LRP8: variants seen among roughly 807,000 people sequenced by gnomAD.
LRP8 encodes the protein low-density lipoprotein receptor-related protein 8.
Under a neutral mutation model 111.6 loss-of-function variants are expected in LRP8, and 46 were observed. That is an observed-to-expected ratio of 0.41 (90% CI 0.33 to 0.53). LRP8 has a LOEUF of 0.53. LRP8 is among the 20% of genes least tolerant of loss of function. LRP8 has a pLI of 0.20. For synonymous variants in LRP8, 464 were observed against 511.2 expected (o/e 0.91, Z 1.24); for missense variants, 959 against 1,297.4 (o/e 0.74, Z 4.01).
intron 2 of LRP8, among the ~76,000 whole-genome samples, chr1:53,322,335 G>A (rs1654619821): frequency 6.6e-6 from 1 of 152,220 alleles, no homozygotes; most frequent in African/African-American, 2.4e-5. Flanking sequence ...TCAGCCTGGA[G>A]GCAATGGGGT....
At position 53,266,487 on chromosome 1, in the gene LRP8, G is replaced by A. The variant is rs1323047742; in HGVS notation, c.1413C>T (p.Tyr471=). The A allele has an allele frequency of 1.2e-6, 2 of 1,614,190 alleles. No individual in the cohort carries two copies. The highest frequency in any genetic ancestry group is 1.7e-5 in the Admixed American group (1 of 60,024). The change falls in exon 9 of 19, where the codon TAC becomes TAT. Residue 471 remains tyrosine (Y), a synonymous_variant. Coordinates refer to ENST00000306052, the MANE Select transcript of LRP8 (RefSeq NM_004631.5). The surrounding 1 kb of genome is among the most constrained non-coding windows in gnomAD (Gnocchi z 5.0). ...TNRIYWCDLS[Y]RKIYSAYMDK... ...TGGCCGCTCACCTATAGATCTTACG[G>A]TAGGAGAGGTCACACCAGTAGATGC...
chr1:53,286,456 A>G (rs1557805067), intron 3 of LRP8, among the ~76,000 whole-genome samples: 1 of 152,242 alleles, frequency 6.6e-6, no homozygotes. Flanking sequence ...AATAGCATCC[A>G]GAACTATAAC....
At chr1:53,264,691 G>T (rs1646485488) in intron 9 of LRP8, among the ~76,000 whole-genome samples, 1 of 152,204 alleles carries the variant, frequency 6.6e-6, no homozygotes. Flanking sequence ...GGCAGCAGAG[G>T]CATGGAGACT....
intron 3 of LRP8, among the ~76,000 whole-genome samples, chr1:53,283,589 T>C (rs112618442): frequency 9.7e-3 from 489 of 50,406 alleles, no homozygotes; most frequent in South Asian, 0.016. Context: ...ACTTACTACA[T>C]ACCCGGGCCA....
At chr1:53,291,408 C>T (rs1056856335) in intron 2 of LRP8, among the ~76,000 whole-genome samples, 15 of 152,046 alleles carry the variant, frequency 9.9e-5, no homozygotes, top group African/African-American at 2.4e-4. Flanking sequence ...CAGCCTGCCC[C>T]GCTCCCTCAT....
At chr1:53,325,827 G>T (rs548483161) in intron 2 of LRP8, among the ~76,000 whole-genome samples, 12 of 152,340 alleles carry the variant, frequency 7.9e-5, no homozygotes, top group African/African-American at 2.6e-4. Flanking sequence ...GCGCCCCAGC[G>T]CCTGGCACGC....
At chr1:53,320,714 A>G (rs1654397799) in intron 2 of LRP8, among the ~76,000 whole-genome samples, 2 of 152,192 alleles carry the variant, frequency 1.3e-5, no homozygotes, top group Non-Finnish European at 2.9e-5. Flanking sequence ...CGGGGTCTCC[A>G]GAGAACAGGG....
Position 53,246,571 on chromosome 1 carries a change from T to TA in LRP8, c.*446dup, listed in dbSNP as rs1645732436. The TA allele has an allele frequency of 6.6e-6, 1 of 152,392 alleles. No homozygotes were observed. The highest frequency in any genetic ancestry group is 2.1e-4 in the South Asian group (1 of 4,830). 9.4% of individuals were successfully genotyped at this position (152,392 alleles called of 1,614,324 possible). On this transcript the variant is annotated 3_prime_UTR_variant, in exon 19 of 19. Coordinates refer to ENST00000306052, the MANE Select transcript of LRP8 (RefSeq NM_004631.5). Reference sequence around the variant, plus strand: ...GAAGTGTTTTTTTTTTTTTTTTACTTATGTTGATGGATAGCCACAAAGCAT... The same window carrying TA: ...GAAGTGTTTTTTTTTTTTTTTTACTTAATGTTGATGGATAGCCACAAAGCAT...
In LRP8 at chr1:53,242,870, C is replaced by T. The variant is rs1437613617; in HGVS notation, c.*4148G>A. 1 of 151,012 alleles carries T rather than the reference C, an allele frequency of 6.6e-6. No individual in the cohort carries two copies. The highest frequency in any genetic ancestry group is 1.5e-5 in the Non-Finnish European group (1 of 67,834). 9.4% of individuals were successfully genotyped at this position (151,012 alleles called of 1,614,324 possible). On this transcript the variant is annotated 3_prime_UTR_variant, in exon 19 of 19. Transcript: ENST00000306052. ...ATATATATATATATACACACACACA[C>T]ACGTGGCTTTTTAAAAATTACTTTT...
chr1:53,252,944 A>C (rs1645944117), intron 16 of LRP8, among the ~76,000 whole-genome samples: 1 of 152,226 alleles, frequency 6.6e-6, no homozygotes, highest in African/African-American at 2.4e-5. Context: ...AAGGAAAATA[A>C]ACTGCTTAGA....
chr1:53,275,876 G>A lies in LRP8; in HGVS notation c.884-123C>T. 3.1e-6 allele frequency: 4 copies of A among 1,293,460 alleles called. No individual in the cohort carries two copies. The highest frequency in any genetic ancestry group is 5.1e-5 in the East Asian group (2 of 39,506). The allele number at this position is 1,293,460 out of a possible 1,614,324, so 80.1% of individuals were successfully genotyped here. The stretch of plus-strand genomic sequence containing the variant: ...AAACAGAACCAGTGGCTGAACTCAG[G>A]AGTCCTCAAAGGACACCTGGCCAAG... On this transcript the variant is annotated intron_variant, in intron 5 of 18. Transcript: ENST00000306052. This position sits in a 1 kb window ranked among gnomAD's most constrained non-coding sequence, Gnocchi z 4.4.
chr1:53,260,597 C>T lies in LRP8; in HGVS notation c.1923G>A (p.Val641=). The change falls in exon 13 of 19, where the codon GTG becomes GTA. Residue 641 remains valine (V), a synonymous_variant. Transcript: ENST00000306052. ...PFGIAVFEDK[V]FWTDLENEAI... The stretch of plus-strand genomic sequence containing the variant: ...CCTCGTTCTCCAGGTCTGTCCAGAA[C>T]ACCTTGTCCTGTGGGGTATAGATGC... 6.2e-7 allele frequency: 1 copy of T among 1,614,132 alleles called. No individual in the cohort carries two copies. The highest frequency in any genetic ancestry group is 2.2e-5 in the East Asian group (1 of 44,890).
rs1385856812 is a variant in LRP8 at position 53,276,887 on chromosome 1, G to T, written c.688C>A (p.Arg230Ser). Reference sequence around the variant, plus strand: ...GAGCGGTCCTCGCAGTCAAACTGGCGGTCGCAGACCCAGCGCTCCGGGATG... The same window carrying T: ...GAGCGGTCCTCGCAGTCAAACTGGCTGTCGCAGACCCAGCGCTCCGGGATG... ...ACIPERWVCD[R>S]QFDCEDRSDE... is the part of the protein sequence containing the mutation. Residue 230 changes from arginine to serine, a missense_variant, in exon 5 of 19, where the codon CGC becomes AGC. This residue lies in a region of LRP8 where 819 missense variants were observed against 1,097.6 expected (regional missense o/e 0.75). Transcript: ENST00000306052. 5.7e-6 allele frequency: 8 copies of T among 1,413,632 alleles called. No homozygotes were observed. The highest frequency in any genetic ancestry group is 3.5e-5 in the East Asian group (1 of 28,804). The allele number at this position is 1,413,632 out of a possible 1,614,324, so 87.6% of individuals were successfully genotyped here.
intron 6 of LRP8, among the ~76,000 whole-genome samples, chr1:53,273,386 G>T (rs1646819081): frequency 6.6e-6 from 1 of 152,146 alleles, no homozygotes; most frequent in Non-Finnish European, 1.5e-5. Flanking sequence ...CACATACATG[G>T]GGTCACACAC....
intron 2 of LRP8, among the ~76,000 whole-genome samples, chr1:53,312,657 C>T (rs1192986151): frequency 6.6e-6 from 1 of 152,060 alleles, no homozygotes; most frequent in Non-Finnish European, 1.5e-5. Flanking sequence ...CTGTGCCTGG[C>T]CTTTTTCTTT....
chr1:53,266,579 TC>T lies in LRP8; in HGVS notation c.1320del (p.Asn441ThrfsTer15), dbSNP rs774465184. 1.2e-6 allele frequency: 2 copies of T among 1,614,154 alleles called. No homozygotes were observed. The highest frequency in any genetic ancestry group is 2.2e-5 in the East Asian group (1 of 44,882). On this transcript the variant is annotated frameshift_variant, in exon 9 of 19. Coordinates refer to ENST00000306052, the MANE Select transcript of LRP8 (RefSeq NM_004631.5). LOFTEE classifies it high-confidence loss of function. The surrounding 1 kb of genome is among the most constrained non-coding windows in gnomAD (Gnocchi z 5.0). ...AGCATGGGGATGAGGCGTGAATAGT[TC>T]CGCTTCACCAGGTCGATCCTCCGCA... ...HEVRRIDLVK[R>X]NYSRLIPMLK...
chr1:53,307,268 G>C (rs114484760), intron 2 of LRP8: 1 of 152,272 alleles, frequency 6.6e-6, no homozygotes, highest in Non-Finnish European at 1.5e-5. Flanking sequence ...TGAGGGCAAG[G>C]ATGCCTGCCC....
Position 53,249,671 on chromosome 1 carries a change from C to A in LRP8, c.2677-115G>T. On this transcript the variant is annotated intron_variant, in intron 17 of 18. Transcript: ENST00000306052. This position sits in a 1 kb window ranked among gnomAD's most constrained non-coding sequence, Gnocchi z 4.1. ...TTGTGGTCCTCATTCCCCCAAAAAG[C>A]CATGCTGTGTTGTACCTTCAAGCCT... is the stretch of plus-strand genomic sequence containing the variant. 1 of 1,417,958 alleles carries A rather than the reference C, an allele frequency of 7.1e-7. No homozygotes were observed. 87.8% of individuals were successfully genotyped at this position (1,417,958 alleles called of 1,614,324 possible).
chr1:53,308,529 A>G (rs1021475763), intron 2 of LRP8, among the ~76,000 whole-genome samples: 2 of 152,206 alleles, frequency 1.3e-5, no homozygotes, highest in African/African-American at 4.8e-5. Context: ...ACTTATGAGC[A>G]ATTTGCTGTC....
Sources: gnomAD v4.1 joint callset for allele counts (sites outside exome capture counted in the v4.1 genomes callset) on GRCh38, gnomAD v4.1.1 for gene constraint, gnomAD v4.1.1 regional missense constraint, Gnocchi (gnomAD v3.1) non-coding constraint, MANE v1.5 for transcripts, NCBI Gene and HGNC (gene_info 2026-07-23, HGNC 2026-07-21) for gene names.